Variants in IFT22 observed in about 807,000 individuals in gnomAD.
IFT22 encodes intraflagellar transport protein 22 homolog.
In IFT22, 13 loss-of-function variants were observed where a neutral mutation model predicts 21.0. The ratio of observed to expected loss-of-function variants is 0.62; its 90% confidence interval spans 0.40 to 0.98. The LOEUF (loss-of-function observed/expected upper bound fraction) is 0.98, where lower values mean the gene tolerates loss of function less well. Ranked by LOEUF, IFT22 falls within the 50% of genes least tolerant of loss-of-function variation. The pLI, the probability that IFT22 is intolerant of heterozygous loss-of-function variation, is 0.00. For synonymous variants in IFT22, 67 were observed against 82.4 expected (o/e 0.81, Z 1.01); for missense variants, 227 against 228.9 (o/e 0.99, Z 0.06).
At chr7:101,319,781 A>C (rs1790276823) in intron 1 of IFT22, among the ~76,000 whole-genome samples, 1 of 149,690 alleles carries the variant, frequency 6.7e-6, no homozygotes, top group Non-Finnish European at 1.5e-5. Flanking sequence ...GCCACCTGGG[A>C]CTACAGGTGT....
At chr7:101,319,638 T>C (rs532305553) in intron 1 of IFT22, among the ~76,000 whole-genome samples, 1 of 139,384 alleles carries the variant, frequency 7.2e-6, no homozygotes, top group East Asian at 2.2e-4. Context: ...GTAATACACA[T>C]TGCTTTTTTT....
intron 4 of IFT22, 23 bp from the exon 5 acceptor site, chr7:101,315,305 A>G (rs749722743): frequency 1.2e-6 from 2 of 1,613,954 alleles, no homozygotes; most frequent in Middle Eastern, 1.7e-4. Context: ...GATAAGGTTA[A>G]TTAGGCAAAG....
chr7:101,318,049 T>G, intron 3 of IFT22, 75 bp downstream of exon 3: 1 of 1,302,844 alleles, frequency 7.7e-7, no homozygotes, highest in Non-Finnish European at 1.1e-6. Flanking sequence ...ATTACAGGTG[T>G]GAGCCACCGC....
In IFT22 at chr7:101,311,171, T is replaced by G. The variant is rs2116906224; in HGVS notation, c.*3963A>C. 6.6e-6 allele frequency among the ~76,000 whole-genome samples: 1 copy of G among 151,940 alleles called. No homozygotes were observed. The highest frequency in any genetic ancestry group is 1.5e-5 in the Non-Finnish European group (1 of 67,968). On this transcript the variant is annotated 3_prime_UTR_variant, in exon 5 of 5. Transcript: ENST00000315322. Reference sequence around the variant, plus strand: ...ACCACACCCGGCTTATTTTTTGTATTTTTAGTAGAGGTGGGGTTTCACTGT... The same window carrying G: ...ACCACACCCGGCTTATTTTTTGTATGTTTAGTAGAGGTGGGGTTTCACTGT...
rs1321997486 is a variant in IFT22, at chr7:101,312,157, A to G, written c.*2977T>C. On this transcript the variant is annotated 3_prime_UTR_variant, in exon 5 of 5. Coordinates refer to ENST00000315322, the MANE Select transcript of IFT22 (RefSeq NM_022777.4). Reference sequence around the variant, plus strand: ...AATGACTCATGCCTGTAATCCCACCACTTTGGGAGGCTGAGACGGGCGGAT... The same window carrying G: ...AATGACTCATGCCTGTAATCCCACCGCTTTGGGAGGCTGAGACGGGCGGAT... Among the ~76,000 whole-genome samples the G allele has an allele frequency of 6.6e-6, 1 of 152,092 alleles. No individual in the cohort carries two copies. Among genetic ancestry groups the G allele is most frequent in the Non-Finnish European group, 1.5e-5 (1 of 68,028 alleles).
At chr7:101,319,147 C>G (rs922905404) in intron 1 of IFT22, 115 bp from the exon 2 acceptor site, 6 of 904,992 alleles carry the variant, frequency 6.6e-6, no homozygotes, top group African/African-American at 1.6e-5. Context: ...TCATGGGCAC[C>G]CTGAGATCAC....
At position 101,315,221 on chromosome 7, in the gene IFT22, G is replaced by A. The variant is rs2116918471; in HGVS notation, c.471C>T (p.Ile157=). 6.2e-7 allele frequency: 1 copy of A among 1,614,080 alleles called. No individual in the cohort carries two copies. The highest frequency in any genetic ancestry group is 1.7e-4 in the Middle Eastern group (1 of 6,060). The part of the protein sequence containing the change: ...HSNLEDDPEE[I]RMEFIKYLKS... ...TTAAATACTTTATGAATTCCATCCG[G>A]ATCTCCTCAGGGTCATCTTCCAGGT... is the stretch of plus-strand genomic sequence containing the variant. The change falls in exon 5 of 5, where the codon ATC becomes ATT. Residue 157 remains isoleucine, a synonymous_variant. Transcript: ENST00000315322.
chr7:101,316,251 C>T, intron 4 of IFT22, 89 bp downstream of exon 4: 1 of 1,261,858 alleles, frequency 7.9e-7, no homozygotes, highest in Non-Finnish European at 1.2e-6. Flanking sequence ...AGTAACTGGA[C>T]AGAGCTGCTG....
chr7:101,317,438 T>C (rs1348962735), intron 3 of IFT22, among the ~76,000 whole-genome samples: 1 of 142,962 alleles, frequency 7.0e-6, no homozygotes, highest in Non-Finnish European at 1.5e-5. Flanking sequence ...CTGGCCCCTA[T>C]TTTTTTTTTT....
At chr7:101,317,142 TAAAAAAA>T (rs566213191) in intron 3 of IFT22, among the ~76,000 whole-genome samples, 2 of 150,660 alleles carry the variant, frequency 1.3e-5, no homozygotes, top group Non-Finnish European at 3.0e-5. Context: ...ATTTCTTCAT[TAAAAAAA>T]AATTATTATT....
chr7:101,320,332 G>A (rs1200615273), intron 1 of IFT22, among the ~76,000 whole-genome samples: 1 of 151,242 alleles, frequency 6.6e-6, no homozygotes, highest in African/African-American at 2.4e-5. Flanking sequence ...GTGCAGTGGC[G>A]CAGACTTGGC....
chr7:101,318,376 T>A, intron 2 of IFT22, 163 bp from the exon 3 acceptor site: 1 of 492,694 alleles, frequency 2.0e-6, no homozygotes. Context: ...AAGAATTAGC[T>A]GGGCATGATG....
chr7:101,315,107 G>GA lies in IFT22; in HGVS notation c.*26dup, dbSNP rs1562931272. The GA allele has an allele frequency of 1.2e-6, 2 of 1,608,304 alleles. No individual in the cohort carries two copies. The highest frequency in any genetic ancestry group is 1.7e-5 in the Admixed American group (1 of 59,588). On this transcript the variant is annotated 3_prime_UTR_variant, in exon 5 of 5. Transcript: ENST00000315322. ...CGAGAAACATGCTGATTTCACTGGG[G>GA]ATGTGGCAGTCCCAGGTGAAGGCTG...
In IFT22 at chr7:101,312,493, T is replaced by C. The variant is rs937187559; in HGVS notation, c.*2641A>G. ...TTTCCAACTGGATATAGTGTCCATA[T>C]CAAGGTCATCTAAATAAATATAATG... On this transcript the variant is annotated 3_prime_UTR_variant, in exon 5 of 5. Transcript: ENST00000315322. Among the ~76,000 whole-genome samples, 21 of 149,644 alleles carry C rather than the reference T, an allele frequency of 1.4e-4. No homozygotes were observed. Among genetic ancestry groups the C allele is most frequent in the African/African-American group, 5.1e-4 (21 of 40,902 alleles).
In IFT22 at chr7:101,316,562, C is replaced by G. The variant is rs1790160877; in HGVS notation, c.207-20G>C. 6.2e-7 allele frequency: 1 copy of G among 1,611,838 alleles called. No individual in the cohort carries two copies. Among genetic ancestry groups the G allele is most frequent in the African/African-American group, 1.3e-5 (1 of 75,004 alleles). ...TCAAACCTGCGAGGAAGAAAAGGAA[C>G]AACAGGGAAAGTTAGGTCATTCTGG... On this transcript the variant is annotated intron_variant, in intron 3 of 4. Transcript: ENST00000315322.
intron 2 of IFT22, 44 bp downstream of exon 2, chr7:101,318,912 C>T (rs760674399): frequency 1.7e-5 from 25 of 1,505,874 alleles, no homozygotes; most frequent in East Asian, 4.5e-5. Flanking sequence ...GCCTCCCTGC[C>T]GAGCCAGTTG....
At chr7:101,321,631 C>T in intron 1 of IFT22, 40 bp downstream of exon 1, 1 of 1,573,480 alleles carries the variant, frequency 6.4e-7, no homozygotes, top group Non-Finnish European at 8.6e-7. Flanking sequence ...GCCCCGAGGC[C>T]TGCTCCCCGC....
Position 101,312,903 on chromosome 7 carries a change from G to A in IFT22, c.*2231C>T, listed in dbSNP as rs550945697. ...GGCTGGAGTGCAATGGCACAATCTC[G>A]GCTTACTGCAACCTCCGCCTCCCAG... is the stretch of plus-strand genomic sequence containing the variant. On this transcript the variant is annotated 3_prime_UTR_variant, in exon 5 of 5. Transcript: ENST00000315322. 6.4e-4 allele frequency among the ~76,000 whole-genome samples: 98 copies of A among 152,034 alleles called. 1 individual carries two copies. The highest frequency in any genetic ancestry group is 3.4e-3 in the Middle Eastern group (1 of 292).
rs746642132 is a variant in IFT22 at position 101,315,167 on chromosome 7, G to A, written c.525C>T (p.Ser175=). 1 of 1,613,914 alleles carries A rather than the reference G, an allele frequency of 6.2e-7. No individual in the cohort carries two copies. The highest frequency in any genetic ancestry group is 1.1e-5 in the South Asian group (1 of 91,062). The change falls in exon 5 of 5, where the codon AGC becomes AGT. Residue 175 remains serine, a synonymous_variant. Transcript: ENST00000315322. ...LKSIINSMSE[S]RDREEMSIMT ...TAATTGACATCTCCTCCCTGTCTCTGCTCTCAGACATGGAGTTGATTATGC... is the reference window on the plus strand; with the variant it reads ...TAATTGACATCTCCTCCCTGTCTCTACTCTCAGACATGGAGTTGATTATGC...
Sources: allele counts gnomAD v4.1 joint callset (sites outside exome capture counted in the v4.1 genomes callset), GRCh38; gene constraint gnomAD v4.1.1; transcripts MANE v1.5; gene names NCBI Gene and HGNC (gene_info 2026-07-23, HGNC 2026-07-21).